The following GNB5 variants were observed in gnomAD, a reference collection of about 807,000 sequenced individuals.
GNB5 encodes the protein guanine nucleotide-binding protein subunit beta-5.
A neutral mutation model predicts 55.3 loss-of-function variants in GNB5; 37 were observed. That is an observed-to-expected ratio of 0.67 (90% CI 0.51 to 0.88). The LOEUF is 0.88. GNB5 is among the 40% of genes least tolerant of loss of function. GNB5 has a pLI of 0.00. For missense variants in GNB5, 476 were observed against 515.3 expected (o/e 0.92, Z 0.74); for synonymous variants, 219 against 198.5 (o/e 1.10, Z -0.87).
At chr15:52,136,860 G>A (rs1340976325) in intron 7 of GNB5, 5 of 373,602 alleles carry the variant, frequency 1.3e-5, no homozygotes, top group South Asian at 8.0e-5. Flanking sequence ...TCTGGGACCA[G>A]GCCAACTTTC....
rs1411919479 is a variant in GNB5, at chr15:52,120,520, A to G, written c.*2237T>C. The G allele has an allele frequency of 6.6e-6, 1 of 151,264 alleles. No individual in the cohort carries two copies. Among genetic ancestry groups the G allele is most frequent in the Admixed American group, 6.6e-5 (1 of 15,206 alleles). The allele number at this position is 151,264 out of a possible 1,614,324, so 9.4% of individuals were successfully genotyped here. A position where few individuals can be genotyped will look rare whatever the true frequency, so the allele number is the denominator to read the frequency against. Reference sequence around the variant, plus strand: ...TGCACATATCCTGAAGATGCTCTCCACCTCTCCAAACATGGAACCTGGAAT... The same window carrying G: ...TGCACATATCCTGAAGATGCTCTCCGCCTCTCCAAACATGGAACCTGGAAT... On this transcript the variant is annotated 3_prime_UTR_variant, in exon 13 of 13. Coordinates refer to ENST00000261837, the MANE Select transcript of GNB5 (RefSeq NM_016194.4).
intron 2 of GNB5, 54 bp downstream of exon 2, chr15:52,184,497 C>G (rs2034816554): frequency 1.3e-6 from 2 of 1,516,628 alleles, no homozygotes; most frequent in Non-Finnish European, 1.8e-6. Flanking sequence ...GTCACAGGAC[C>G]CTCGCTTGAC....
chr15:52,186,735 G>T (rs2141244922), intron 1 of GNB5, among the ~76,000 whole-genome samples: 1 of 152,314 alleles, frequency 6.6e-6, no homozygotes, highest in South Asian at 2.1e-4. Flanking sequence ...TGAGAGGGAT[G>T]CATTTATGGG....
chr15:52,141,868 T>C (rs2033863000), intron 6 of GNB5, among the ~76,000 whole-genome samples: 1 of 152,238 alleles, frequency 6.6e-6, no homozygotes, highest in Non-Finnish European at 1.5e-5. Context: ...GCCAGCCATA[T>C]TCAATCTTCC....
intron 12 of GNB5, among the ~76,000 whole-genome samples, chr15:52,123,841 C>T (rs2033340692): frequency 6.6e-6 from 1 of 151,964 alleles, no homozygotes; most frequent in Non-Finnish European, 1.5e-5. Context: ...CCATGCCCAG[C>T]TTAAACAGGC....
At chr15:52,180,043 A>G (rs1596110133) in intron 2 of GNB5, 164 bp from the exon 3 acceptor site, 2 of 902,740 alleles carry the variant, frequency 2.2e-6, no homozygotes, top group Non-Finnish European at 2.9e-6. Flanking sequence ...CCTGAGCCCC[A>G]AGACCCCGCA....
intron 3 of GNB5, among the ~76,000 whole-genome samples, chr15:52,170,869 G>A (rs2141231768): frequency 6.6e-6 from 1 of 152,130 alleles, no homozygotes; most frequent in South Asian, 2.1e-4. Context: ...ACTTTGAGAG[G>A]CTGAGGCAGG....
At chr15:52,161,219 T>C (rs562931862) in intron 3 of GNB5, among the ~76,000 whole-genome samples, 16 of 152,340 alleles carry the variant, frequency 1.1e-4, no homozygotes, top group Admixed American at 9.1e-4. Flanking sequence ...GTAGCTATCA[T>C]TATTTAGAAA....
At chr15:52,190,117 ATTT>A (rs68061912) in intron 1 of GNB5, among the ~76,000 whole-genome samples, 26 of 143,986 alleles carry the variant, frequency 1.8e-4, no homozygotes, top group South Asian at 2.2e-4. Flanking sequence ...ATCTCAATAA[ATTT>A]TTTTTTTTTT....
chr15:52,137,856 G>A, intron 7 of GNB5: 1 of 1,286,708 alleles, frequency 7.8e-7, no homozygotes, highest in South Asian at 1.2e-5. Context: ...TGCTCCACAG[G>A]GCCTGGGTGA....
chr15:52,136,111 AAAACACACACACACACACACACAC>A lies in GNB5; in HGVS notation c.628-379_628-356del, dbSNP rs1227734457. Among the ~76,000 whole-genome samples the A allele has an allele frequency of 1.8e-3, 137 of 77,142 alleles. 2 individuals carry two copies. Among genetic ancestry groups the A allele is most frequent in the East Asian group, 0.013 (28 of 2,142 alleles). 50.6% of individuals were successfully genotyped at this position (77,142 alleles called of 152,430 possible). A position where few individuals can be genotyped will look rare whatever the true frequency, so the allele number is the denominator to read the frequency against. ...CACACACACACACAGGGAAAAGCAG[AAAACACACACACACACACACACAC>A]ACACACACACACACACACACACACA... On this transcript the variant is annotated intron_variant, in intron 7 of 12. Coordinates refer to ENST00000261837, the MANE Select transcript of GNB5 (RefSeq NM_016194.4).
chr15:52,188,676 A>G (rs192240034), intron 1 of GNB5, among the ~76,000 whole-genome samples: 8 of 152,266 alleles, frequency 5.3e-5, no homozygotes, highest in Non-Finnish European at 8.8e-5. Context: ...GTTGCTCTGC[A>G]GTAGTTCATA....
intron 5 of GNB5, chr15:52,149,623 T>C: frequency 1.7e-6 from 1 of 593,638 alleles, no homozygotes; most frequent in African/African-American, 1.9e-5. Flanking sequence ...TTCCATGCTT[T>C]GCCCATTTCC....
At chr15:52,185,395 TG>T (rs1429381131) in intron 1 of GNB5, among the ~76,000 whole-genome samples, 5 of 152,034 alleles carry the variant, frequency 3.3e-5, no homozygotes, top group Non-Finnish European at 7.4e-5. Flanking sequence ...TCTACCCTTC[TG>T]GGGTTGTCAA....
At chr15:52,160,516 G>A (rs2034310063) in intron 3 of GNB5, among the ~76,000 whole-genome samples, 1 of 152,236 alleles carries the variant, frequency 6.6e-6, no homozygotes, top group South Asian at 2.1e-4. Flanking sequence ...GAATAGCAGA[G>A]AAGGGGTGAA....
At chr15:52,191,055 G>A (rs1284599717) in intron 1 of GNB5, among the ~76,000 whole-genome samples, 2 of 152,138 alleles carry the variant, frequency 1.3e-5, no homozygotes, top group African/African-American at 2.4e-5. Context: ...GTGATTTTAA[G>A]TATGCTTAAT....
At chr15:52,134,954 C>G (rs951801171) in intron 8 of GNB5, among the ~76,000 whole-genome samples, 4 of 152,038 alleles carry the variant, frequency 2.6e-5, no homozygotes, top group Non-Finnish European at 5.9e-5. Flanking sequence ...GCAAATACCA[C>G]TATGCACTAT....
intron 3 of GNB5, among the ~76,000 whole-genome samples, chr15:52,170,181 G>A (rs1339472622): frequency 6.6e-6 from 1 of 152,154 alleles, no homozygotes; most frequent in African/African-American, 2.4e-5. Flanking sequence ...TCTAGAAGCA[G>A]AAATGCCATT....
intron 3 of GNB5, among the ~76,000 whole-genome samples, chr15:52,155,043 G>T (rs751166810): frequency 6.6e-6 from 1 of 152,308 alleles, no homozygotes; most frequent in South Asian, 2.1e-4. Context: ...TCATGCAGGG[G>T]AGGACGCCAA....
Sources: gnomAD v4.1 joint callset for allele counts (sites outside exome capture counted in the v4.1 genomes callset) on GRCh38, gnomAD v4.1.1 for gene constraint, MANE v1.5 for transcripts, NCBI Gene and HGNC (gene_info 2026-07-23, HGNC 2026-07-21) for gene names.